The following CFAP92 variants were observed in gnomAD, a reference collection of about 807,000 sequenced individuals.
The protein encoded by CFAP92 is cilia and flagella associated protein 92 (putative).
Under a neutral mutation model 106.3 loss-of-function variants are expected in CFAP92, and 86 were observed. That is an observed-to-expected ratio of 0.81 (90% CI 0.68 to 0.97). CFAP92 has a LOEUF of 0.97. Among genes scored for constraint, CFAP92 ranks in the 50% least tolerant of loss-of-function variants. The pLI, the probability that CFAP92 is intolerant of heterozygous loss-of-function variation, is 0.00. For synonymous variants in CFAP92, 477 were observed against 506.4 expected (o/e 0.94, Z 0.78); for missense variants, 1,204 against 1,283.8 (o/e 0.94, Z 0.95).
At chr3:129,025,002 TGAGG>T in the CFAP92 span, among the ~76,000 whole-genome samples, 1 of 152,000 alleles carries the variant, frequency 6.6e-6, no homozygotes. Flanking sequence ...CACACTTCAC[TGAGG>T]GAGGGAGGAG....
Position 128,932,583 on chromosome 3 carries a change from G to C in CFAP92, c.2751+117C>G, listed in dbSNP as rs988379244. The C allele has an allele frequency of 4.8e-6, 5 of 1,031,974 alleles. No homozygotes were observed. In the African/African-American group the frequency reaches 6.5e-5, roughly 13 times the overall value. 63.9% of individuals were successfully genotyped at this position (1,031,974 alleles called of 1,614,324 possible). On this transcript the variant is annotated intron_variant, in intron 12 of 15. Coordinates refer to ENST00000645291, the MANE Select transcript of CFAP92 (RefSeq NM_001394090.1). ...CAGCAGGGTAGCCCAGGCCAGGAGC[G>C]CAGGCACGACCAGAGGCAAATGTCC...
At chr3:129,002,675 T>C in exon 1 of CFAP92, 1 of 297,498 alleles carries the variant, frequency 3.4e-6, no homozygotes. Context: ...AACAAGCATC[T>C]TTCTCTCTCC....
intron 12 of CFAP92, among the ~76,000 whole-genome samples, chr3:128,927,581 G>A (rs1037830816): frequency 1.3e-5 from 2 of 151,950 alleles, no homozygotes; most frequent in Admixed American, 6.6e-5. Flanking sequence ...AAAATTAGCT[G>A]GGCGTGGTGG....
At chr3:129,018,785 C>G in the CFAP92 span, among the ~76,000 whole-genome samples, 1 of 152,200 alleles carries the variant, frequency 6.6e-6, no homozygotes, top group African/African-American at 2.4e-5. Flanking sequence ...GGGATGTGTT[C>G]TTGCGAAGTG....
chr3:128,993,514 G>A, intron 1 of CFAP92, 178 bp from the exon 2 acceptor site: 1 of 627,748 alleles, frequency 1.6e-6, no homozygotes, highest in Non-Finnish European at 2.7e-6. Context: ...TCGACTTAGA[G>A]AATGAATGGA....
Position 128,915,146 on chromosome 3 carries a change from G to A in CFAP92, c.3253C>T (p.Pro1085Ser). The A allele has an allele frequency of 6.5e-7, 1 of 1,536,092 alleles. No individual in the cohort carries two copies. Among genetic ancestry groups the A allele is most frequent in the East Asian group, 2.4e-5 (1 of 40,914 alleles). Residue 1085 changes from proline (P) to serine (S), a missense_variant, in exon 15 of 16, where the codon CCT becomes TCT. By Grantham distance (74) the Pro-to-Ser change is moderately conservative (BLOSUM62 -1). Coordinates refer to ENST00000645291, the MANE Select transcript of CFAP92 (RefSeq NM_001394090.1). ...KKPPPFLELL[P>S]SPAPKPVTVR... Reference sequence around the variant, plus strand: ...GTTACAGGCTTTGGTGCGGGCGAAGGGAGCAGCTCGAGGAAAGGTGGTGGT... The same window carrying A: ...GTTACAGGCTTTGGTGCGGGCGAAGAGAGCAGCTCGAGGAAAGGTGGTGGT...
chr3:128,958,926 C>T (rs989469066), intron 9 of CFAP92, among the ~76,000 whole-genome samples: 1 of 151,046 alleles, frequency 6.6e-6, no homozygotes, highest in Non-Finnish European at 1.5e-5. Context: ...AAAAAGGAGA[C>T]AAGGTTGGAC....
chr3:129,017,363 T>C, the CFAP92 span, among the ~76,000 whole-genome samples: 120 of 152,340 alleles, frequency 7.9e-4, 1 homozygote, highest in African/African-American at 2.9e-3. Context: ...ACACTCTTAG[T>C]GACTTGAAAC....
the CFAP92 span, among the ~76,000 whole-genome samples, chr3:129,010,021 A>C: frequency 1.3e-5 from 2 of 152,360 alleles, no homozygotes; most frequent in Non-Finnish European, 1.5e-5. This position sits in a 1 kb window ranked among gnomAD's most constrained non-coding sequence, Gnocchi z 4.3. Flanking sequence ...CCTAGCACCC[A>C]GCCCAGCCTT....
At chr3:129,006,036 C>T (rs538563513), upstream of CFAP92, among the ~76,000 whole-genome samples, 1 of 152,354 alleles carries the variant, frequency 6.6e-6, no homozygotes, top group Admixed American at 6.5e-5. Context: ...ATAGCCAATG[C>T]ACCATTTAGT....
intron 3 of CFAP92, among the ~76,000 whole-genome samples, chr3:128,988,411 C>T (rs1461501621): frequency 6.6e-6 from 1 of 152,028 alleles, no homozygotes; most frequent in Non-Finnish European, 1.5e-5. Context: ...CATGGTGGCT[C>T]GTGCTTGTAA....
At chr3:128,930,603 T>G (rs567198863) in intron 12 of CFAP92, among the ~76,000 whole-genome samples, 1 of 151,842 alleles carries the variant, frequency 6.6e-6, no homozygotes, top group African/African-American at 2.4e-5. Flanking sequence ...ATACAAAAAT[T>G]AGGCAGGCAT....
intron 4 of CFAP92, among the ~76,000 whole-genome samples, chr3:128,984,229 C>A (rs1943709370): frequency 6.6e-6 from 1 of 152,158 alleles, no homozygotes; most frequent in South Asian, 2.1e-4. Flanking sequence ...TAAGTGTCAA[C>A]TTGATTGAAG....
At chr3:128,995,120 A>G (rs1478109175), upstream of CFAP92, among the ~76,000 whole-genome samples, 1 of 152,200 alleles carries the variant, frequency 6.6e-6, no homozygotes, top group African/African-American at 2.4e-5. Context: ...GAGGCTACAC[A>G]CAAGCTTGGC....
At chr3:128,961,491 T>A (rs895951259) in intron 9 of CFAP92, among the ~76,000 whole-genome samples, 1 of 79,368 alleles carries the variant, frequency 1.3e-5, no homozygotes. Context: ...CACCTGGTCC[T>A]GCTTATGGTT....
chr3:128,937,096 T>G (rs770638944), intron 10 of CFAP92, among the ~76,000 whole-genome samples: 1 of 150,530 alleles, frequency 6.6e-6, no homozygotes, highest in Non-Finnish European at 1.5e-5. Flanking sequence ...AGTCCAGGAG[T>G]AGGAGACCAG....
the CFAP92 span, among the ~76,000 whole-genome samples, chr3:129,014,309 A>G: frequency 6.6e-6 from 1 of 152,220 alleles, no homozygotes; most frequent in Non-Finnish European, 1.5e-5. This position sits in a 1 kb window ranked among gnomAD's most constrained non-coding sequence, Gnocchi z 4.3. Flanking sequence ...GGCTGCTGTG[A>G]CAAGCCCCAC....
At chr3:128,942,409 C>G (rs567661191) in intron 10 of CFAP92, among the ~76,000 whole-genome samples, 1 of 152,336 alleles carries the variant, frequency 6.6e-6, no homozygotes, top group East Asian at 1.9e-4. Context: ...GGGGGCTCCA[C>G]TGCACAGGTA....
chr3:128,964,541 CTA>C (rs1202465692), intron 9 of CFAP92, among the ~76,000 whole-genome samples: 1 of 152,218 alleles, frequency 6.6e-6, no homozygotes, highest in East Asian at 1.9e-4. Context: ...AACTGCCACT[CTA>C]AACTCTTGAA....
Sources: allele counts gnomAD v4.1 joint callset (sites outside exome capture counted in the v4.1 genomes callset), GRCh38; gene constraint gnomAD v4.1.1; non-coding constraint Gnocchi (gnomAD v3.1); transcripts MANE v1.5; gene names NCBI Gene and HGNC (gene_info 2026-07-23, HGNC 2026-07-21).